TENM3: variants seen among roughly 807,000 people sequenced by gnomAD.
The protein encoded by TENM3 is teneurin-3.
A neutral mutation model predicts 255.1 loss-of-function variants in TENM3; 63 were observed. The ratio of observed to expected loss-of-function variants is 0.25; its 90% confidence interval spans 0.20 to 0.30. The LOEUF is 0.30. Ranked by LOEUF, TENM3 falls within the 10% of genes least tolerant of loss-of-function variation. The probability of loss-of-function intolerance (pLI) is 1.00; values close to 1 mark genes in which losing one functional copy is unlikely to be tolerated. For synonymous variants in TENM3, 1,306 were observed against 1,322.3 expected (o/e 0.99, Z 0.27); for missense variants, 2,929 against 3,461.1 (o/e 0.85, Z 3.86).
chr4:182,090,881 C>T, the TENM3 span, among the ~76,000 whole-genome samples: 1 of 152,124 alleles, frequency 6.6e-6, no homozygotes, highest in South Asian at 2.1e-4. Flanking sequence ...GAAATAATAA[C>T]CATTTATTTA....
At chr4:181,668,021 G>A in the TENM3 span, among the ~76,000 whole-genome samples, 28 of 152,258 alleles carry the variant, frequency 1.8e-4, no homozygotes, top group African/African-American at 2.4e-4. Context: ...GTGTGTATGC[G>A]CTAGAACATA....
intron 3 of TENM3, among the ~76,000 whole-genome samples, chr4:182,373,799 G>T (rs1487169256): frequency 6.6e-6 from 1 of 152,182 alleles, no homozygotes; most frequent in South Asian, 2.1e-4. Context: ...CTACTAAGGG[G>T]AATTGTGACT....
the TENM3 span, among the ~76,000 whole-genome samples, chr4:182,099,789 TAAAG>T: frequency 3.3e-5 from 5 of 151,938 alleles, no homozygotes; most frequent in Non-Finnish European, 5.9e-5. Context: ...TGGGTGAACT[TAAAG>T]AGAGAGAAGA....
the TENM3 span, among the ~76,000 whole-genome samples, chr4:181,990,106 A>G: frequency 6.6e-6 from 1 of 152,150 alleles, no homozygotes; most frequent in African/African-American, 2.4e-5. Context: ...CAGCTACGAA[A>G]AGGAAGGTTC....
intron 1 of TENM3, among the ~76,000 whole-genome samples, chr4:182,220,873 A>G (rs1755813806): frequency 6.6e-6 from 1 of 152,224 alleles, no homozygotes; most frequent in African/African-American, 2.4e-5. Flanking sequence ...CCATCATAGA[A>G]AGAATATTTT....
intron 1 of TENM3, among the ~76,000 whole-genome samples, chr4:182,312,224 G>T (rs1425113226): frequency 6.6e-6 from 1 of 152,174 alleles, no homozygotes; most frequent in African/African-American, 2.4e-5. Flanking sequence ...GGCTTGGTGT[G>T]GTGGCTCACG....
chr4:182,495,994 A>G (rs573182839), intron 3 of TENM3, among the ~76,000 whole-genome samples: 2 of 152,338 alleles, frequency 1.3e-5, no homozygotes, highest in African/African-American at 4.8e-5. Context: ...ATTTTACATG[A>G]TATTGTCAGG....
chr4:181,769,097 A>T, the TENM3 span, among the ~76,000 whole-genome samples: 1 of 152,074 alleles, frequency 6.6e-6, no homozygotes, highest in Non-Finnish European at 1.5e-5. Context: ...GTTTGATTGG[A>T]TTTTATAGGG....
chr4:182,633,622 T>C (rs964547399), intron 5 of TENM3, among the ~76,000 whole-genome samples: 3 of 152,362 alleles, frequency 2.0e-5, no homozygotes, highest in South Asian at 2.1e-4. Flanking sequence ...CCATGGTGCA[T>C]GTGCAGTGCT....
the TENM3 span, among the ~76,000 whole-genome samples, chr4:181,657,865 T>A: frequency 2.6e-5 from 4 of 152,150 alleles, no homozygotes; most frequent in Non-Finnish European, 5.9e-5. Context: ...GCCATTATCC[T>A]AAGTGAATTA....
Position 182,736,810 on chromosome 4 carries a change from A to T in TENM3, c.2970A>T (p.Val990=). The T allele has an allele frequency of 6.2e-7, 1 of 1,612,370 alleles. No individual in the cohort carries two copies. The highest frequency in any genetic ancestry group is 8.5e-7 in the Non-Finnish European group (1 of 1,179,302). Residue 990 remains valine, a splice_region_variant and synonymous_variant, in exon 17 of 28, where the codon GTA becomes GTT. Transcript: ENST00000511685. ...ACTTCTGCTTTATTCAAACTTAGGT[A>T]CTCCACGAGGAAACTACAATTCCAG... ...EDSPIIPETQ[V]LHEETTIPGT... is the part of the protein sequence containing the mutation.
the TENM3 span, among the ~76,000 whole-genome samples, chr4:182,096,828 G>A: frequency 6.6e-6 from 1 of 152,120 alleles, no homozygotes; most frequent in Non-Finnish European, 1.5e-5. Flanking sequence ...GCAGACTATG[G>A]GAAACTCTAC....
intron 3 of TENM3, among the ~76,000 whole-genome samples, chr4:182,359,081 G>C (rs1047497586): frequency 6.6e-6 from 1 of 151,618 alleles, no homozygotes; most frequent in African/African-American, 2.4e-5. Flanking sequence ...ACTTGATCAT[G>C]GTGGATAAGC....
At chr4:182,125,223 C>A in the TENM3 span, among the ~76,000 whole-genome samples, 1 of 151,538 alleles carries the variant, frequency 6.6e-6, no homozygotes, top group Non-Finnish European at 1.5e-5. Context: ...CATTGCCCAG[C>A]GCATCCACGC....
chr4:182,209,244 A>G (rs1400619402), intron 1 of TENM3, among the ~76,000 whole-genome samples: 1 of 151,504 alleles, frequency 6.6e-6, no homozygotes, highest in Admixed American at 6.6e-5. Context: ...CTGGGATTAC[A>G]GGCGTGAGCC....
intron 3 of TENM3, among the ~76,000 whole-genome samples, chr4:182,351,583 A>T (rs13127127): frequency 0.22 from 32,878 of 151,968 alleles, 3,881 homozygotes; most frequent in East Asian, 0.44. Flanking sequence ...TCCTTCTTCC[A>T]GCCTCCTCAG....
intron 24 of TENM3, among the ~76,000 whole-genome samples, chr4:182,777,224 ATTTCC>A (rs1441167863): frequency 1.3e-5 from 2 of 152,046 alleles, no homozygotes; most frequent in South Asian, 4.2e-4. Flanking sequence ...ACCTTGCATT[ATTTCC>A]TAGCAGAATG....
rs192479146 is a variant in TENM3 at position 182,216,570 on chromosome 4, A to T, written c.-76+71816A>T. ...CATCACCAAGCCTACCTGAATAGGA[A>T]AAATAAAGGTGATGTACGTGTGAGG... On this transcript the variant is annotated intron_variant, in intron 1 of 2. Transcript: ENST00000512480. 2.5e-3 allele frequency among the ~76,000 whole-genome samples: 380 copies of T among 152,354 alleles called. 2 individuals are homozygous for T. Among genetic ancestry groups the T allele is most frequent in the African/African-American group, 8.6e-3 (356 of 41,580 alleles).
the TENM3 span, among the ~76,000 whole-genome samples, chr4:181,848,564 G>A: frequency 1.6e-4 from 24 of 152,132 alleles, no homozygotes; most frequent in African/African-American, 5.8e-4. Context: ...ATAATGGAAA[G>A]CTGAGTGCTT....
Sources: gnomAD v4.1 joint callset for allele counts (sites outside exome capture counted in the v4.1 genomes callset) on GRCh38, gnomAD v4.1.1 for gene constraint, MANE v1.5 for transcripts, NCBI Gene and HGNC (gene_info 2026-07-23, HGNC 2026-07-21) for gene names.